Variants in CACNA2D3 observed in about 807,000 individuals in gnomAD.
The protein encoded by CACNA2D3 is calcium voltage-gated channel auxiliary subunit alpha2delta 3.
A neutral mutation model predicts 160.6 loss-of-function variants in CACNA2D3; 60 were observed. That is an observed-to-expected ratio of 0.37 (90% CI 0.30 to 0.46). CACNA2D3 has a LOEUF of 0.46. Among genes scored for constraint, CACNA2D3 ranks in the 20% least tolerant of loss-of-function variants. The pLI, the probability that CACNA2D3 is intolerant of heterozygous loss-of-function variation, is 1.00. For missense variants in CACNA2D3, 1,205 were observed against 1,365.0 expected (o/e 0.88, Z 1.85); for synonymous variants, 558 against 492.9 (o/e 1.13, Z -1.75).
At chr3:54,501,702 G>C (rs1012577923) in intron 4 of CACNA2D3, among the ~76,000 whole-genome samples, 1 of 152,000 alleles carries the variant, frequency 6.6e-6, no homozygotes, top group African/African-American at 2.4e-5. Context: ...TTACAAGTGT[G>C]AGCCACTGTG....
At chr3:54,324,401 T>C (rs1704077280) in intron 3 of CACNA2D3, among the ~76,000 whole-genome samples, 1 of 152,232 alleles carries the variant, frequency 6.6e-6, no homozygotes, top group Non-Finnish European at 1.5e-5. Flanking sequence ...ATAACCCCTG[T>C]CATCTCATTG....
At position 54,197,875 on chromosome 3, in the gene CACNA2D3, A is replaced by G. The variant is rs192433511; in HGVS notation, c.204+74281A>G. Among the ~76,000 whole-genome samples the G allele has an allele frequency of 1.3e-3, 199 of 152,162 alleles. 2 individuals are homozygous for G. The highest frequency in any genetic ancestry group is 1.9e-3 in the Non-Finnish European group (131 of 68,016). Reference sequence around the variant, plus strand: ...TGAAATTCCTCCTTCCCCATTTCCTATCTCCAACCTGAAGTTAAAAGTTTC... The same window carrying G: ...TGAAATTCCTCCTTCCCCATTTCCTGTCTCCAACCTGAAGTTAAAAGTTTC... On this transcript the variant is annotated intron_variant, in intron 2 of 37. Coordinates refer to ENST00000474759, the MANE Select transcript of CACNA2D3 (RefSeq NM_018398.3).
At chr3:54,497,074 A>G (rs1331686149) in intron 4 of CACNA2D3, among the ~76,000 whole-genome samples, 1 of 152,082 alleles carries the variant, frequency 6.6e-6, no homozygotes, top group Non-Finnish European at 1.5e-5. Context: ...CTTTTTAAAA[A>G]TTGTTTTGAA....
intron 17 of CACNA2D3, among the ~76,000 whole-genome samples, chr3:54,868,638 C>T (rs187106964): frequency 9.2e-5 from 14 of 152,184 alleles, no homozygotes; most frequent in African/African-American, 2.6e-4. Context: ...TATGAATTTT[C>T]GGCCAGGAGA....
intron 9 of CACNA2D3, among the ~76,000 whole-genome samples, chr3:54,613,880 AC>A (rs1698795154): frequency 6.6e-6 from 1 of 151,978 alleles, no homozygotes; most frequent in African/African-American, 2.4e-5. Flanking sequence ...CCCTGCCTTT[AC>A]CTCCAGGCCC....
At chr3:54,886,349 G>A (rs1397463403) in intron 23 of CACNA2D3, among the ~76,000 whole-genome samples, 1 of 152,196 alleles carries the variant, frequency 6.6e-6, no homozygotes, top group African/African-American at 2.4e-5. Flanking sequence ...GATATGCCCT[G>A]GTGGGGAAAG....
At chr3:54,813,243 C>T (rs1171157350) in intron 13 of CACNA2D3, among the ~76,000 whole-genome samples, 1 of 152,144 alleles carries the variant, frequency 6.6e-6, no homozygotes, top group Non-Finnish European at 1.5e-5. Flanking sequence ...CTGTCCAGAC[C>T]CCTCATGGAG....
chr3:54,976,297 C>T (rs958823914), intron 29 of CACNA2D3, among the ~76,000 whole-genome samples: 37 of 131,508 alleles, frequency 2.8e-4, no homozygotes, highest in Admixed American at 1.8e-3. Context: ...CATCTCACAA[C>T]AGTCCCCAGA....
At chr3:54,923,879 C>A (rs1700930145) in intron 27 of CACNA2D3, among the ~76,000 whole-genome samples, 1 of 152,166 alleles carries the variant, frequency 6.6e-6, no homozygotes. Flanking sequence ...CAATACAGCC[C>A]CTGTCACAAC....
intron 29 of CACNA2D3, among the ~76,000 whole-genome samples, chr3:54,978,390 T>C (rs141623674): frequency 1.6e-3 from 241 of 152,278 alleles, no homozygotes; most frequent in South Asian, 3.1e-3. Context: ...GGCAATGCCA[T>C]TCCTGCCTAA....
In CACNA2D3 at chr3:54,460,255, A is replaced by G. The variant is rs1350628687; in HGVS notation, c.382-43237A>G. Reference sequence around the variant, plus strand: ...TGGCTTAGGATTGACTTGGCGATGCAGGCTCTTTTTTGGTTCCATATGAAC... The same window carrying G: ...TGGCTTAGGATTGACTTGGCGATGCGGGCTCTTTTTTGGTTCCATATGAAC... On this transcript the variant is annotated intron_variant, in intron 4 of 37. Coordinates refer to ENST00000474759, the MANE Select transcript of CACNA2D3 (RefSeq NM_018398.3). Among the ~76,000 whole-genome samples the G allele has an allele frequency of 9.3e-3, 1,408 of 152,136 alleles. 9 individuals are homozygous for G. The highest frequency in any genetic ancestry group is 0.015 in the Non-Finnish European group (1,000 of 67,976).
chr3:55,048,938 T>C (rs58583699), intron 35 of CACNA2D3, among the ~76,000 whole-genome samples: 1 of 138,582 alleles, frequency 7.2e-6, no homozygotes, highest in African/African-American at 2.8e-5. Flanking sequence ...TCTGTGGGAT[T>C]GCTGGTGATA....
In CACNA2D3 at chr3:54,796,063, G is replaced by C. The variant is rs536924794; in HGVS notation, c.1381-20790G>C. 1.2e-4 allele frequency among the ~76,000 whole-genome samples: 18 copies of C among 152,296 alleles called. No homozygotes were observed. The South Asian group carries it at 3.3e-3, about 28-fold the overall frequency. On this transcript the variant is annotated intron_variant, in intron 13 of 37. Coordinates refer to ENST00000474759, the MANE Select transcript of CACNA2D3 (RefSeq NM_018398.3). The stretch of plus-strand genomic sequence containing the variant: ...ATAGGACCAAAATAAGCCTGAAGTG[G>C]TATGGTAGTCAGTGTGTCAGCAGGC...
intron 11 of CACNA2D3, among the ~76,000 whole-genome samples, chr3:54,726,479 G>T (rs1176189670): frequency 6.6e-6 from 1 of 152,150 alleles, no homozygotes; most frequent in Non-Finnish European, 1.5e-5. Flanking sequence ...GAAGAGCAAG[G>T]CTGGAGGCAT....
chr3:55,005,023 C>T (rs1039742222), intron 32 of CACNA2D3, among the ~76,000 whole-genome samples, 185 bp downstream of exon 32: 1 of 151,512 alleles, frequency 6.6e-6, no homozygotes, highest in Non-Finnish European at 1.5e-5. Context: ...TGCCCGTAAT[C>T]CCAGCACTTT....
At chr3:54,550,874 C>G (rs561111412) in intron 5 of CACNA2D3, among the ~76,000 whole-genome samples, 1 of 152,308 alleles carries the variant, frequency 6.6e-6, no homozygotes, top group South Asian at 2.1e-4. Context: ...CCTCGACCAA[C>G]ACGTGTTTGC....
chr3:54,346,592 A>G (rs1303380381), intron 3 of CACNA2D3, among the ~76,000 whole-genome samples: 2 of 152,074 alleles, frequency 1.3e-5, no homozygotes, highest in African/African-American at 2.4e-5. Flanking sequence ...GAGAACCCCC[A>G]TTTACCTCCT....
chr3:54,454,001 A>C (rs1438155793), intron 4 of CACNA2D3, among the ~76,000 whole-genome samples: 2 of 152,158 alleles, frequency 1.3e-5, no homozygotes, highest in Admixed American at 1.3e-4. Context: ...AGAAGGGGAG[A>C]GCCTTCTGGG....
At position 54,310,630 on chromosome 3, in the gene CACNA2D3, T is replaced by C. The variant is rs567787202; in HGVS notation, c.205-9812T>C. ...AAAAATGCCATTGCCCAGAGCAACA[T>C]CGGGAGCTAGTTGGTCTGTTAGGTT... On this transcript the variant is annotated intron_variant, in intron 2 of 37. Coordinates refer to ENST00000474759, the MANE Select transcript of CACNA2D3 (RefSeq NM_018398.3). Among the ~76,000 whole-genome samples, 15 of 152,200 alleles carry C rather than the reference T, an allele frequency of 9.9e-5. No individual in the cohort carries two copies. The East Asian group carries it at 2.3e-3, about 24-fold the overall frequency.
Sources: allele counts gnomAD v4.1 joint callset (sites outside exome capture counted in the v4.1 genomes callset), GRCh38; gene constraint gnomAD v4.1.1; transcripts MANE v1.5; gene names NCBI Gene and HGNC (gene_info 2026-07-23, HGNC 2026-07-21).